The following PLB1 variants were observed in gnomAD, a reference collection of about 807,000 sequenced individuals.
PLB1 encodes phospholipase B1, also known as phospholipase B1, membrane-associated.
A neutral mutation model predicts 227.4 loss-of-function variants in PLB1; 242 were observed. The ratio of observed to expected loss-of-function variants is 1.06; its 90% CI spans 0.96 to 1.18. The LOEUF (loss-of-function observed/expected upper bound fraction) is 1.18, where lower values mean the gene tolerates loss of function less well. Among genes scored for constraint, PLB1 ranks in the 50% most tolerant of loss-of-function variants. The pLI, the probability that PLB1 is intolerant of heterozygous loss-of-function variation, is 0.00. For synonymous variants in PLB1, 757 were observed against 682.2 expected (o/e 1.11, Z -1.71); for missense variants, 1,858 against 1,816.3 (o/e 1.02, Z -0.42).
chr2:28,525,191 A>G, intron 4 of PLB1, 76 bp from the exon 5 acceptor site: 2 of 1,400,214 alleles, frequency 1.4e-6, no homozygotes, highest in South Asian at 1.2e-5. Context: ...GAGTTCTGAC[A>G]GGCAGCTTGC....
chr2:28,605,792 C>T (rs978413537), intron 41 of PLB1, 61 bp from the exon 42 acceptor site: 200 of 1,410,766 alleles, frequency 1.4e-4, no homozygotes, highest in Admixed American at 3.8e-4. Context: ...GGGCCAAGTC[C>T]GCTGGTGGTG....
intron 18 of PLB1, 57 bp from the exon 19 acceptor site, chr2:28,565,223 C>T: frequency 6.7e-7 from 1 of 1,482,600 alleles, no homozygotes; most frequent in Non-Finnish European, 9.3e-7. Context: ...GGCAGGTAGG[C>T]AGAGGTGGGC....
intron 43 of PLB1, 23 bp downstream of exon 43, chr2:28,606,590 G>T (rs1415884273): frequency 1.2e-6 from 2 of 1,609,330 alleles, no homozygotes; most frequent in Non-Finnish European, 1.7e-6. Context: ...GACCTGCCTG[G>T]CTCCTCTCCA....
chr2:28,623,934 A>T (rs1352040348), intron 49 of PLB1, among the ~76,000 whole-genome samples: 2 of 152,178 alleles, frequency 1.3e-5, no homozygotes, highest in Non-Finnish European at 2.9e-5. Flanking sequence ...TGTCTCTACC[A>T]AAAATACAAA....
intron 18 of PLB1, among the ~76,000 whole-genome samples, chr2:28,563,499 A>G (rs1676371826): frequency 6.6e-6 from 1 of 151,712 alleles, no homozygotes; most frequent in African/African-American, 2.4e-5. Flanking sequence ...GTCCATGTAG[A>G]AAAGCTAAGG....
At chr2:28,528,310 G>T (rs1307741217) in intron 6 of PLB1, among the ~76,000 whole-genome samples, 1 of 152,186 alleles carries the variant, frequency 6.6e-6, no homozygotes, top group East Asian at 1.9e-4. Context: ...GGGGAGGAGT[G>T]GAGGCATCTG....
At chr2:28,500,006 A>T (rs1572604650) in intron 1 of PLB1, among the ~76,000 whole-genome samples, 1 of 148,198 alleles carries the variant, frequency 6.7e-6, no homozygotes, top group Non-Finnish European at 1.5e-5. Context: ...GAGATTTTTT[A>T]AAATGAGAAG....
chr2:28,598,858 C>T (rs1481645090), intron 35 of PLB1, 98 bp downstream of exon 35: 4 of 1,015,674 alleles, frequency 3.9e-6, no homozygotes, highest in Admixed American at 1.8e-5. Flanking sequence ...TGCAAAGGGG[C>T]ACTTAGCCAC....
Position 28,600,817 on chromosome 2 carries a change from TGAGCCAA to T in PLB1, c.2485_2491del (p.Gln830LysfsTer3), listed in dbSNP as rs766607884. The T allele has an allele frequency of 1.2e-6, 2 of 1,613,582 alleles. No homozygotes were observed. Among genetic ancestry groups the T allele is most frequent in the South Asian group, 2.2e-5 (2 of 91,068 alleles). Reference sequence around the variant, plus strand: ...TTTTCTCTCTTTCTCAGGGATCTTATGAGCCAAGTCCAAACTCTGATGCAGAAGATGA... The same window carrying T: ...TTTTCTCTCTTTCTCAGGGATCTTATGTCCAAACTCTGATGCAGAAGATGA... On this transcript the variant is annotated frameshift_variant, in exon 36 of 58. Coordinates refer to ENST00000327757, the MANE Select transcript of PLB1 (RefSeq NM_153021.5). LOFTEE classifies it high-confidence loss of function.
At chr2:28,598,889 T>C in intron 35 of PLB1, 129 bp downstream of exon 35, 1 of 757,272 alleles carries the variant, frequency 1.3e-6, no homozygotes, top group South Asian at 1.5e-5. Context: ...CAGGCTGCCC[T>C]CTTCCCTGCT....
Position 28,529,417 on chromosome 2 carries a change from C to A in PLB1, c.416+10C>A. 2 of 1,571,220 alleles carry A rather than the reference C, an allele frequency of 1.3e-6. No individual in the cohort carries two copies. Among genetic ancestry groups the A allele is most frequent in the Non-Finnish European group, 1.8e-6 (2 of 1,141,170 alleles). On this transcript the variant is annotated intron_variant, in intron 7 of 57. Transcript: ENST00000327757. ...CCCACGATGGTGCTGAGTAAGTTCCCTTTCTGTCTCTCTCTGAGGTTATGT... is the reference window on the plus strand; with the variant it reads ...CCCACGATGGTGCTGAGTAAGTTCCATTTCTGTCTCTCTCTGAGGTTATGT...
At chr2:28,631,497 TGATAAACTCCTTGAA>T (rs1304234960) in intron 54 of PLB1, among the ~76,000 whole-genome samples, 3 of 152,246 alleles carry the variant, frequency 2.0e-5, no homozygotes, top group Admixed American at 2.0e-4. Context: ...TCCAGATGGA[TGATAAACTCCTTGAA>T]GATAAGTACA....
At chr2:28,615,955 A>T (rs1387208978) in intron 44 of PLB1, among the ~76,000 whole-genome samples, 1 of 152,246 alleles carries the variant, frequency 6.6e-6, no homozygotes, top group Non-Finnish European at 1.5e-5. Context: ...ACATTACGTT[A>T]AGTGAAATAA....
At chr2:28,506,883 T>C (rs576175441) in intron 1 of PLB1, among the ~76,000 whole-genome samples, 14 of 152,294 alleles carry the variant, frequency 9.2e-5, no homozygotes, top group African/African-American at 2.6e-4. Context: ...CACCATTTCC[T>C]TTTGCATTAT....
intron 49 of PLB1, among the ~76,000 whole-genome samples, chr2:28,623,617 A>T (rs1381600381): frequency 6.6e-6 from 1 of 152,124 alleles, no homozygotes; most frequent in African/African-American, 2.4e-5. Context: ...GTGTTTGGCC[A>T]CGTACCTAGC....
At chr2:28,567,567 T>G (rs375913588) in intron 20 of PLB1, among the ~76,000 whole-genome samples, 9 of 143,058 alleles carry the variant, frequency 6.3e-5, no homozygotes, top group East Asian at 2.1e-4. Context: ...TCCGCCTCCC[T>G]GGTTCAAGCG....
rs768731304 is a variant in PLB1, at chr2:28,540,346, T to A, written c.699-20T>A. The A allele has an allele frequency of 6.2e-7, 1 of 1,610,400 alleles. No individual in the cohort carries two copies. The highest frequency in any genetic ancestry group is 2.2e-5 in the East Asian group (1 of 44,858). On this transcript the variant is annotated intron_variant, in intron 11 of 57. Coordinates refer to ENST00000327757, the MANE Select transcript of PLB1 (RefSeq NM_153021.5). ...CACACTGCCTCCCCTCTCTCATTCC[T>A]GGTGTGTTTTAACCTGCAGCCCTGC...
intron 24 of PLB1, 116 bp downstream of exon 24, chr2:28,582,249 A>C: frequency 7.7e-7 from 1 of 1,290,458 alleles, no homozygotes; most frequent in Non-Finnish European, 1.1e-6. Context: ...ATCCCAGCCC[A>C]AATGCATAGA....
At position 28,540,348 on chromosome 2, in the gene PLB1, G is replaced by T. The variant is rs781530495; in HGVS notation, c.699-18G>T. 1 of 1,611,314 alleles carries T rather than the reference G, an allele frequency of 6.2e-7. No individual in the cohort carries two copies. Among genetic ancestry groups the T allele is most frequent in the Non-Finnish European group, 8.5e-7 (1 of 1,177,744 alleles). The stretch of plus-strand genomic sequence containing the variant: ...CACTGCCTCCCCTCTCTCATTCCTG[G>T]TGTGTTTTAACCTGCAGCCCTGCAC... On this transcript the variant is annotated intron_variant, in intron 11 of 57. Coordinates refer to ENST00000327757, the MANE Select transcript of PLB1 (RefSeq NM_153021.5).
Sources: gnomAD v4.1 joint callset for allele counts (sites outside exome capture counted in the v4.1 genomes callset) on GRCh38, gnomAD v4.1.1 for gene constraint, MANE v1.5 for transcripts, NCBI Gene and HGNC (gene_info 2026-07-23, HGNC 2026-07-21) for gene names.